DNAH9: variants seen among roughly 807,000 people sequenced by gnomAD.
The protein encoded by DNAH9 is DNAH9 variant protein.
DNAH9 carries 345 observed loss-of-function variants against 471.6 expected under a neutral mutation model. That is an observed-to-expected ratio of 0.73 (90% confidence interval 0.67 to 0.80). The LOEUF is 0.80. Ranked by LOEUF, DNAH9 falls within the 30% of genes least tolerant of loss-of-function variation. The pLI, the probability that DNAH9 is intolerant of heterozygous loss-of-function variation, is 0.00. For synonymous variants in DNAH9, 2,093 were observed against 2,123.6 expected (o/e 0.99, Z 0.40); for missense variants, 5,407 against 5,609.2 (o/e 0.96, Z 1.15).
At chr17:11,882,045 A>G (rs964347417) in intron 55 of DNAH9, among the ~76,000 whole-genome samples, 2 of 152,270 alleles carry the variant, frequency 1.3e-5, no homozygotes, top group African/African-American at 2.4e-5. Context: ...CTACAAGGGT[A>G]ACAGAACTAG....
chr17:11,759,547 T>C (rs1034032641), intron 35 of DNAH9, among the ~76,000 whole-genome samples: 7 of 146,574 alleles, frequency 4.8e-5, no homozygotes, highest in African/African-American at 1.5e-4. Flanking sequence ...TTTTGAGTCG[T>C]TGTCTCGCTC....
chr17:11,800,891 T>C (rs1170076225), intron 43 of DNAH9, among the ~76,000 whole-genome samples: 2 of 152,152 alleles, frequency 1.3e-5, no homozygotes, highest in Non-Finnish European at 2.9e-5. Context: ...CTGCTTAGCA[T>C]GTTATATGAG....
At position 11,718,690 on chromosome 17, in the gene DNAH9, G is replaced by A. The variant is rs1397056745; in HGVS notation, c.5553-644G>A. ...TTGAGGGCCTGTATGTGCCTAGAGTGTGCTAAGTTCTGGAGATTAAACAAT... is the reference window on the plus strand; with the variant it reads ...TTGAGGGCCTGTATGTGCCTAGAGTATGCTAAGTTCTGGAGATTAAACAAT... On this transcript the variant is annotated intron_variant, in intron 26 of 68. Coordinates refer to ENST00000262442, the MANE Select transcript of DNAH9 (RefSeq NM_001372.4). 2.0e-5 allele frequency among the ~76,000 whole-genome samples: 3 copies of A among 152,198 alleles called. No individual in the cohort carries two copies. The East Asian group carries it at 5.8e-4, about 29-fold the overall frequency.
chr17:11,745,881 A>T (rs1455121773), intron 31 of DNAH9, among the ~76,000 whole-genome samples: 9 of 152,186 alleles, frequency 5.9e-5, no homozygotes, highest in Admixed American at 5.9e-4. Context: ...GTGTATGGTA[A>T]AATATTCACA....
intron 17 of DNAH9, among the ~76,000 whole-genome samples, chr17:11,671,032 A>C (rs2073964245): frequency 6.6e-6 from 1 of 152,142 alleles, no homozygotes; most frequent in South Asian, 2.1e-4. Context: ...CTTCCTGTGT[A>C]TTCTTCCACT....
intron 8 of DNAH9, among the ~76,000 whole-genome samples, chr17:11,635,866 A>G (rs1034093025): frequency 6.6e-6 from 1 of 152,134 alleles, no homozygotes; most frequent in African/African-American, 2.4e-5. Context: ...TGCTCTCAGA[A>G]ACTATTTCCT....
intron 61 of DNAH9, among the ~76,000 whole-genome samples, chr17:11,919,501 AAAAG>A (rs1257114680): frequency 1.3e-5 from 2 of 148,484 alleles, no homozygotes; most frequent in African/African-American, 2.5e-5. Context: ...TCTCAAAAAA[AAAAG>A]AAAAAAAAAA....
intron 39 of DNAH9, 56 bp from the exon 40 acceptor site, chr17:11,783,590 C>T: frequency 5.0e-6 from 7 of 1,394,868 alleles, no homozygotes; most frequent in Non-Finnish European, 7.1e-6. Flanking sequence ...CTTGACAAAG[C>T]ACTCACCTGC....
intron 50 of DNAH9, among the ~76,000 whole-genome samples, chr17:11,858,145 A>G (rs1267401115): frequency 5.9e-5 from 9 of 152,194 alleles, no homozygotes; most frequent in African/African-American, 2.2e-4. Context: ...TGTAGTGAAG[A>G]TATATTAATG....
chr17:11,780,383 G>T (rs1968623180), intron 38 of DNAH9, among the ~76,000 whole-genome samples: 1 of 152,208 alleles, frequency 6.6e-6, no homozygotes, highest in Non-Finnish European at 1.5e-5. Flanking sequence ...ATCCATTGAG[G>T]CCTCTCTTAC....
intron 66 of DNAH9, among the ~76,000 whole-genome samples, chr17:11,940,104 T>C (rs1974852815): frequency 6.6e-6 from 1 of 152,224 alleles, no homozygotes; most frequent in Non-Finnish European, 1.5e-5. Flanking sequence ...AATGTTTAGA[T>C]TTTTCTGATA....
chr17:11,676,192 A>G (rs1747038502), intron 17 of DNAH9, among the ~76,000 whole-genome samples: 1 of 151,800 alleles, frequency 6.6e-6, no homozygotes, highest in South Asian at 2.1e-4. Context: ...AAATCTTCAA[A>G]TTATTATTAT....
intron 49 of DNAH9, among the ~76,000 whole-genome samples, chr17:11,846,318 T>C (rs1204093665): frequency 1.4e-5 from 2 of 144,992 alleles, no homozygotes; most frequent in East Asian, 2.0e-4. Flanking sequence ...GTTGTAGATA[T>C]GCGGCGTTAT....
intron 1 of DNAH9, among the ~76,000 whole-genome samples, chr17:11,607,746 T>C (rs1165989136): frequency 6.6e-6 from 1 of 151,948 alleles, no homozygotes; most frequent in Non-Finnish European, 1.5e-5. Flanking sequence ...ATTTTTGTAT[T>C]TTTAGTAGAG....
intron 28 of DNAH9, 90 bp from the exon 29 acceptor site, chr17:11,738,790 C>A: frequency 4.4e-6 from 5 of 1,129,716 alleles, no homozygotes; most frequent in Non-Finnish European, 6.6e-6. Context: ...GTTCTTCGTG[C>A]TGTGTGTGAC....
At chr17:11,731,075 TAGTGATG>T (rs2075258416) in intron 28 of DNAH9, among the ~76,000 whole-genome samples, 3 of 143,006 alleles carry the variant, frequency 2.1e-5, no homozygotes, top group Admixed American at 7.1e-5. Flanking sequence ...ATGGTGATGA[TAGTGATG>T]ATGATGGTGG....
intron 67 of DNAH9, among the ~76,000 whole-genome samples, chr17:11,957,006 AATT>A (rs1469649685): frequency 5.3e-5 from 8 of 152,030 alleles, no homozygotes; most frequent in African/African-American, 1.9e-4. Context: ...AAATGAATAA[AATT>A]AATAAACATT....
At chr17:11,618,500 C>T (rs570103417) in intron 5 of DNAH9, among the ~76,000 whole-genome samples, 45 of 151,412 alleles carry the variant, frequency 3.0e-4, no homozygotes, top group African/African-American at 1.0e-3. Flanking sequence ...GCAGGAGAAT[C>T]GCTTGAACCC....
chr17:11,704,859 A>C (rs938443264), intron 25 of DNAH9, among the ~76,000 whole-genome samples, 166 bp from the exon 26 acceptor site: 4 of 152,058 alleles, frequency 2.6e-5, no homozygotes, highest in African/African-American at 9.7e-5. Flanking sequence ...CTGGGATAGA[A>C]CCCTGTAATC....
Sources: allele counts gnomAD v4.1 joint callset (sites outside exome capture counted in the v4.1 genomes callset), GRCh38; gene constraint gnomAD v4.1.1; transcripts MANE v1.5; gene names NCBI Gene and HGNC (gene_info 2026-07-23, HGNC 2026-07-21).